The following DMD variants were observed in gnomAD, a reference collection of about 807,000 sequenced individuals.
DMD encodes the protein dystrophin, also known as mutant dystrophin.
Under a neutral mutation model 330.1 loss-of-function variants are expected in DMD, and 63 were observed. That is an observed-to-expected ratio of 0.19 (90% CI 0.16 to 0.24). The LOEUF is 0.24. DMD is among the 10% of genes least tolerant of loss of function. The probability of loss-of-function intolerance (pLI) is 1.00; values close to 1 mark genes in which losing one functional copy is unlikely to be tolerated. For missense variants in DMD, 3,344 were observed against 2,684.1 expected, an observed-to-expected ratio of 1.25 and a Z score of -5.43; for synonymous variants, 1,223 against 959.8, an observed-to-expected ratio of 1.27 and a Z score of -5.07.
intron 9 of DMD, among the ~76,000 whole-genome samples, chrX:32,653,343 A>G (rs1178037043): frequency 1.8e-5 from 2 of 111,942 alleles, no homozygotes; most frequent in Non-Finnish European, 3.8e-5. Flanking sequence ...TATAATGTGT[A>G]AGGAAGGGAT....
intron 53 of DMD, among the ~76,000 whole-genome samples, chrX:31,662,816 A>C (rs1281713756): frequency 8.9e-6 from 1 of 111,959 alleles, no homozygotes; most frequent in Non-Finnish European, 1.9e-5. Flanking sequence ...AAATCAAGCA[A>C]TTGCTCGGAA....
rs754759614 is a variant in DMD at position 33,303,448 on chromosome X, A to G, written c.7+35811T>C. Among the ~76,000 whole-genome samples, 94 of 111,428 alleles carry G rather than the reference A, an allele frequency of 8.4e-4. 1 individual carries two copies. Among genetic ancestry groups the G allele is most frequent in the African/African-American group, 2.9e-3 (90 of 30,738 alleles). ...CAAATTCAGAAGTTTTATGTCTCCT[A>G]GATTACACAAATCCTGGGTAATAGG... is the stretch of plus-strand genomic sequence containing the variant. On this transcript the variant is annotated intron_variant, in intron 1 of 17. Coordinates refer to the DMD transcript ENST00000288447.
intron 7 of DMD, among the ~76,000 whole-genome samples, chrX:32,777,038 C>G (rs1275817599): frequency 9.5e-6 from 1 of 105,678 alleles, no homozygotes; most frequent in African/African-American, 3.7e-5. Flanking sequence ...GGCGTGAGGC[C>G]TATATAGCAG....
intron 49 of DMD, among the ~76,000 whole-genome samples, chrX:31,831,849 A>C (rs191311598): frequency 8.9e-6 from 1 of 112,387 alleles, no homozygotes; most frequent in Non-Finnish European, 1.9e-5. Context: ...TGATCCGCCC[A>C]CCTTGGCCTC....
At chrX:32,724,520 A>C (rs2066660268) in intron 7 of DMD, among the ~76,000 whole-genome samples, 1 of 111,764 alleles carries the variant, frequency 8.9e-6, no homozygotes, top group Non-Finnish European at 1.9e-5. Context: ...GTTAGGAAGA[A>C]AACATGTTAA....
intron 7 of DMD, among the ~76,000 whole-genome samples, chrX:32,718,195 T>G (rs1305078791): frequency 1.8e-5 from 2 of 111,394 alleles, no homozygotes; most frequent in Non-Finnish European, 1.9e-5. Flanking sequence ...ACTGTGTCCC[T>G]GCCCAAATCT....
chrX:31,580,994 GA>G (rs1216823711), intron 55 of DMD, among the ~76,000 whole-genome samples: 2 of 112,177 alleles, frequency 1.8e-5, no homozygotes, highest in African/African-American at 6.5e-5. Flanking sequence ...ATTCACAATG[GA>G]ATGCTGCTAA....
chrX:32,886,757 A>C (rs972557385), intron 2 of DMD, among the ~76,000 whole-genome samples: 1 of 112,231 alleles, frequency 8.9e-6, no homozygotes, highest in African/African-American at 3.2e-5. Context: ...AAAATGGTCT[A>C]CTGGGTTATT....
rs1002550831 is a variant in DMD at position 31,134,204 on chromosome X, A to G, written c.10922-10T>C. The G allele has an allele frequency of 1.7e-6, 2 of 1,185,905 alleles. No homozygotes were observed. Among genetic ancestry groups the G allele is most frequent in the Non-Finnish European group, 2.3e-6 (2 of 873,200 alleles). On this transcript the variant is annotated splice_polypyrimidine_tract_variant and intron_variant, in intron 76 of 78. Coordinates refer to ENST00000357033, the MANE Select transcript of DMD (RefSeq NM_004006.3). ...AGAAGATCTTCCTCACCTTAATAAA[A>G]GCAAAAACAAATAATGGAAAATTAC...
intron 61 of DMD, among the ~76,000 whole-genome samples, chrX:31,330,184 A>G (rs5972374): frequency 0.14 from 15,302 of 105,938 alleles, 1,068 homozygotes; most frequent in Admixed American, 0.22. Context: ...ATTTTTGCAT[A>G]TAATTATACC....
intron 34 of DMD, among the ~76,000 whole-genome samples, chrX:32,374,466 G>C (rs1332059856): frequency 9.0e-6 from 1 of 111,519 alleles, no homozygotes; most frequent in African/African-American, 3.3e-5. Context: ...AATCCATCTT[G>C]AGTTAATTTT....
intron 7 of DMD, among the ~76,000 whole-genome samples, chrX:32,793,065 C>A (rs2075939155): frequency 9.0e-6 from 1 of 111,668 alleles, no homozygotes; most frequent in Non-Finnish European, 1.9e-5. Flanking sequence ...CAGAATATGT[C>A]TTAACAAATT....
At chrX:32,988,480 G>T (rs1367958613) in intron 2 of DMD, among the ~76,000 whole-genome samples, 1 of 112,230 alleles carries the variant, frequency 8.9e-6, no homozygotes, top group Non-Finnish European at 1.9e-5. Flanking sequence ...AGCTTGAAAT[G>T]AATGGCTGCC....
At chrX:32,259,315 T>C (rs1427550172) in intron 43 of DMD, among the ~76,000 whole-genome samples, 1 of 111,173 alleles carries the variant, frequency 9.0e-6, no homozygotes, top group African/African-American at 3.3e-5. Flanking sequence ...TATTTTTCAT[T>C]TTAAAGACTC....
intron 67 of DMD, 67 bp downstream of exon 67, chrX:31,203,894 T>C (rs1302126392): frequency 5.8e-5 from 60 of 1,028,791 alleles, no homozygotes; most frequent in Non-Finnish European, 7.7e-5. Flanking sequence ...CGAAGCTCTG[T>C]GGGTTTTTTA....
chrX:32,404,592 A>G (rs2144500), intron 30 of DMD, among the ~76,000 whole-genome samples: 5,504 of 111,570 alleles, frequency 0.049, 315 homozygotes, highest in African/African-American at 0.17. Flanking sequence ...CAAAATGTGC[A>G]TCAACACATA....
chrX:31,750,132 G>A (rs1383864544), intron 51 of DMD, among the ~76,000 whole-genome samples: 1 of 110,385 alleles, frequency 9.1e-6, no homozygotes, highest in Middle Eastern at 4.2e-3. Context: ...TTGCTGTGCA[G>A]AAGCTCTTTA....
chrX:32,803,542 G>A (rs770434347), intron 7 of DMD, among the ~76,000 whole-genome samples: 154 of 110,232 alleles, frequency 1.4e-3, no homozygotes, highest in Non-Finnish European at 1.4e-3. Context: ...TCATTTAATT[G>A]TGATGTTAGG....
At chrX:32,375,178 C>T (rs1456397656) in intron 34 of DMD, among the ~76,000 whole-genome samples, 2 of 110,695 alleles carry the variant, frequency 1.8e-5, no homozygotes, top group African/African-American at 3.3e-5. Flanking sequence ...TCTGCTTTCA[C>T]AAGGAAATCA....
Sources: allele counts gnomAD v4.1 joint callset (sites outside exome capture counted in the v4.1 genomes callset), GRCh38; gene constraint gnomAD v4.1.1; transcripts MANE v1.5; gene names NCBI Gene and HGNC (gene_info 2026-07-23, HGNC 2026-07-21).